PARD3B: variants seen among roughly 807,000 people sequenced by gnomAD.
PARD3B encodes partitioning defective 3 homolog B.
Under a neutral mutation model 130.2 loss-of-function variants are expected in PARD3B, and 103 were observed. The ratio of observed to expected loss-of-function variants is 0.79; its 90% confidence interval spans 0.67 to 0.93. The LOEUF is 0.93. PARD3B is among the 40% of genes least tolerant of loss of function. The pLI, the probability that PARD3B is intolerant of heterozygous loss-of-function variation, is 0.00. For missense variants in PARD3B, 1,609 were observed against 1,499.2 expected, an observed-to-expected ratio of 1.07 and a Z score of -1.21; for synonymous variants, 583 against 553.2, an observed-to-expected ratio of 1.05 and a Z score of -0.76.
chr2:204,690,531 G>T (rs763475013), intron 2 of PARD3B, among the ~76,000 whole-genome samples: 2 of 152,138 alleles, frequency 1.3e-5, no homozygotes, highest in Non-Finnish European at 2.9e-5. Context: ...GCCAATGCCA[G>T]CTGTGAAGAT....
chr2:205,259,464 A>C (rs1316153660), intron 16 of PARD3B, among the ~76,000 whole-genome samples: 1 of 152,110 alleles, frequency 6.6e-6, no homozygotes. Context: ...ACCTTTGATA[A>C]GTCTTTTATC....
intron 2 of PARD3B, among the ~76,000 whole-genome samples, chr2:204,751,312 G>A (rs2040457364): frequency 6.6e-6 from 1 of 152,042 alleles, no homozygotes; most frequent in Non-Finnish European, 1.5e-5. Context: ...TTCCTTTAAA[G>A]AAAAACAAAA....
At chr2:204,617,929 T>C (rs1478901873) in intron 1 of PARD3B, among the ~76,000 whole-genome samples, 2 of 152,220 alleles carry the variant, frequency 1.3e-5, no homozygotes, top group Non-Finnish European at 2.9e-5. Flanking sequence ...CCACATTTCC[T>C]TTAGCCAGTC....
chr2:205,154,842 A>T (rs2034007677), intron 10 of PARD3B, among the ~76,000 whole-genome samples: 1 of 152,188 alleles, frequency 6.6e-6, no homozygotes, highest in Middle Eastern at 3.2e-3. Flanking sequence ...TGGGAATTGA[A>T]CAATGAGAAC....
At chr2:205,500,450 C>A (rs750196471) in intron 21 of PARD3B, among the ~76,000 whole-genome samples, 27 of 152,092 alleles carry the variant, frequency 1.8e-4, no homozygotes, top group Admixed American at 1.3e-3. Context: ...TGGATCTGAG[C>A]ACTTCACATT....
At chr2:205,169,468 A>G (rs2035022579) in intron 11 of PARD3B, among the ~76,000 whole-genome samples, 1 of 152,182 alleles carries the variant, frequency 6.6e-6, no homozygotes, top group Non-Finnish European at 1.5e-5. Flanking sequence ...GATTTTACCA[A>G]AAGTTCTCCT....
chr2:204,614,179 C>A (rs112115426), intron 1 of PARD3B, among the ~76,000 whole-genome samples: 434 of 152,044 alleles, frequency 2.9e-3, no homozygotes, highest in African/African-American at 9.8e-3. Context: ...TAATGCAAAT[C>A]AAAAATACAA....
intron 16 of PARD3B, among the ~76,000 whole-genome samples, chr2:205,295,088 T>C (rs1239412515): frequency 2.6e-5 from 1 of 38,252 alleles, no homozygotes; most frequent in Non-Finnish European, 7.5e-5. Context: ...ACTTAAAAAA[T>C]CAAACAGAAA....
At chr2:205,434,578 C>T (rs1023170306) in intron 19 of PARD3B, among the ~76,000 whole-genome samples, 2 of 151,958 alleles carry the variant, frequency 1.3e-5, no homozygotes, top group Non-Finnish European at 2.9e-5. Flanking sequence ...GAAGAGGAGA[C>T]AAAGAATTGT....
intron 2 of PARD3B, among the ~76,000 whole-genome samples, chr2:204,795,964 T>G (rs1484158039): frequency 2.6e-5 from 4 of 152,212 alleles, no homozygotes; most frequent in African/African-American, 9.7e-5. Context: ...TTAACAAGTG[T>G]GATTGAGATT....
rs528305725 is a variant in PARD3B at position 205,209,491 on chromosome 2, T to C, written c.2140+16171T>C. Among the ~76,000 whole-genome samples, 20 of 152,198 alleles carry C rather than the reference T, an allele frequency of 1.3e-4. 1 individual carries two copies. In the South Asian group the frequency reaches 3.9e-3, roughly 30 times the overall value. ...ATGGAACAAAATACTTAAGTTCTCC[T>C]TGCAAATATGAACCAAATCCATTTT... On this transcript the variant is annotated intron_variant, in intron 15 of 22. Transcript: ENST00000406610.
At chr2:205,410,190 A>G (rs1211896588) in intron 19 of PARD3B, among the ~76,000 whole-genome samples, 1 of 152,196 alleles carries the variant, frequency 6.6e-6, no homozygotes. Context: ...GAATGTTCCA[A>G]TGAGCATTTC....
At chr2:204,650,942 T>C (rs142897238) in intron 1 of PARD3B, among the ~76,000 whole-genome samples, 1 of 152,078 alleles carries the variant, frequency 6.6e-6, no homozygotes, top group Non-Finnish European at 1.5e-5. Flanking sequence ...GACAACCAGA[T>C]CTCAGGATAA....
At chr2:204,757,736 T>A (rs1300742385) in intron 2 of PARD3B, among the ~76,000 whole-genome samples, 2 of 152,166 alleles carry the variant, frequency 1.3e-5, no homozygotes, top group Non-Finnish European at 2.9e-5. Context: ...TGACTTTTTT[T>A]AAACAAAAGA....
rs1575840886 is a variant in PARD3B at position 205,119,037 on chromosome 2, C to T, written c.797C>T (p.Thr266Ile). Residue 266 changes from threonine (T) to isoleucine (I), a missense_variant, in exon 7 of 23, where the codon ACC (threonine) becomes ATC (isoleucine). By Grantham distance (89) the Thr-to-Ile change is moderately conservative (BLOSUM62 -1). Transcript: ENST00000406610. ...KINNVDLVDK[T>I]FAQAQDVFRQ... The stretch of plus-strand genomic sequence containing the variant: ...AACAATGTGGATCTCGTAGACAAAA[C>T]CTTTGCTCAGTAAGCATTTTTTCAT... 1.3e-6 allele frequency: 2 copies of T among 1,599,398 alleles called. No homozygotes were observed. The highest frequency in any genetic ancestry group is 1.7e-6 in the Non-Finnish European group (2 of 1,175,096).
chr2:205,046,760 A>G (rs1407362203), intron 3 of PARD3B, among the ~76,000 whole-genome samples: 1 of 152,186 alleles, frequency 6.6e-6, no homozygotes, highest in Non-Finnish European at 1.5e-5. Context: ...TTTATATGAG[A>G]GTGATTTTAA....
intron 2 of PARD3B, among the ~76,000 whole-genome samples, chr2:204,896,435 A>G (rs1172403256): frequency 2.0e-5 from 3 of 152,088 alleles, no homozygotes; most frequent in South Asian, 2.1e-4. Flanking sequence ...TGGCTGAGCT[A>G]CCTCTGCCCG....
At position 205,564,439 on chromosome 2, in the gene PARD3B, C is replaced by T. The variant is rs2053247060; in HGVS notation, c.3260+11036C>T. On this transcript the variant is annotated intron_variant, in intron 22 of 22. Coordinates refer to ENST00000406610, the MANE Select transcript of PARD3B (RefSeq NM_001302769.2). This position sits in a 1 kb window ranked among gnomAD's most constrained non-coding sequence, Gnocchi z 4.6. ...TCCAGCCAAAATATTTTAAATGGTG[C>T]TTTTTTGCTTAAAGACTGCCTCTGT... Among the ~76,000 whole-genome samples the T allele has an allele frequency of 6.6e-6, 1 of 152,162 alleles. No individual in the cohort carries two copies. The highest frequency in any genetic ancestry group is 2.1e-4 in the South Asian group (1 of 4,826).
chr2:205,303,377 T>C (rs1540368), intron 18 of PARD3B, among the ~76,000 whole-genome samples: 84,769 of 152,056 alleles, frequency 0.56, 27,326 homozygotes, highest in South Asian at 0.75. Flanking sequence ...CAGTCACTAA[T>C]GTAGGTGATT....
Sources: gnomAD v4.1 joint callset for allele counts (sites outside exome capture counted in the v4.1 genomes callset) on GRCh38, gnomAD v4.1.1 for gene constraint, Gnocchi (gnomAD v3.1) non-coding constraint, MANE v1.5 for transcripts, NCBI Gene and HGNC (gene_info 2026-07-23, HGNC 2026-07-21) for gene names.